The following ROBO2 variants were observed in gnomAD, a reference collection of about 807,000 sequenced individuals.
ROBO2 encodes roundabout guidance receptor 2.
Under a neutral mutation model 160.8 loss-of-function variants are expected in ROBO2, and 53 were observed. The observed-to-expected ratio is 0.33, with a 90% CI of 0.26 to 0.41. The LOEUF (loss-of-function observed/expected upper bound fraction) is 0.41. ROBO2 is among the 10% of genes least tolerant of loss of function. The pLI is 1.00. For synonymous variants in ROBO2, 664 were observed against 611.7 expected (o/e 1.09, Z -1.26); for missense variants, 1,577 against 1,722.4 (o/e 0.92, Z 1.49).
intron 2 of ROBO2, among the ~76,000 whole-genome samples, chr3:76,967,571 G>T (rs931496325): frequency 1.4e-5 from 2 of 144,482 alleles, no homozygotes; most frequent in East Asian, 2.0e-4. Flanking sequence ...ACCCAGGCTG[G>T]AGTGCAGTGG....
chr3:76,902,514 AT>A (rs1172291062), intron 2 of ROBO2, among the ~76,000 whole-genome samples: 1 of 152,070 alleles, frequency 6.6e-6, no homozygotes, highest in Non-Finnish European at 1.5e-5. Context: ...AAATTTATAC[AT>A]TTATTTTGAA....
At chr3:75,953,908 G>A (rs1176515332) in intron 2 of ROBO2, among the ~76,000 whole-genome samples, 1 of 151,858 alleles carries the variant, frequency 6.6e-6, no homozygotes, top group Non-Finnish European at 1.5e-5. Flanking sequence ...AATGTAATTT[G>A]TCAGACATGA....
intron 2 of ROBO2, among the ~76,000 whole-genome samples, chr3:76,232,460 A>G (rs1704678018): frequency 6.6e-6 from 1 of 152,192 alleles, no homozygotes; most frequent in African/African-American, 2.4e-5. Flanking sequence ...TAACAGTAAG[A>G]CAGTTGTTTG....
chr3:77,272,019 A>C (rs577654651), intron 2 of ROBO2, among the ~76,000 whole-genome samples: 1 of 152,198 alleles, frequency 6.6e-6, no homozygotes, highest in Non-Finnish European at 1.5e-5. Context: ...CATTTTGGTT[A>C]GTGACACTGC....
intron 2 of ROBO2, among the ~76,000 whole-genome samples, chr3:76,339,392 T>A (rs1049768772): frequency 3.9e-5 from 6 of 152,122 alleles, no homozygotes; most frequent in African/African-American, 1.4e-4. Context: ...ATAAATAATA[T>A]AAAGCAATAA....
At chr3:76,047,520 G>T (rs2107796692) in intron 2 of ROBO2, among the ~76,000 whole-genome samples, 1 of 152,316 alleles carries the variant, frequency 6.6e-6, no homozygotes, top group East Asian at 1.9e-4. Context: ...GTGAGAACCA[G>T]TCTTGCTTAC....
At chr3:77,555,967 A>G (rs1217143066) in intron 8 of ROBO2, among the ~76,000 whole-genome samples, 5 of 151,930 alleles carry the variant, frequency 3.3e-5, no homozygotes, top group Admixed American at 6.6e-5. Flanking sequence ...AAAAAACAGA[A>G]AGAAAAAAAC....
intron 1 of ROBO2, among the ~76,000 whole-genome samples, chr3:75,916,537 T>A (rs776822217): frequency 6.6e-6 from 1 of 152,290 alleles, no homozygotes; most frequent in Middle Eastern, 3.4e-3. Flanking sequence ...ATTCAGAGAT[T>A]TTATGTGAAT....
chr3:76,137,053 A>T (rs1192191571), intron 2 of ROBO2, among the ~76,000 whole-genome samples: 2 of 151,968 alleles, frequency 1.3e-5, no homozygotes, highest in East Asian at 3.9e-4. Context: ...CAAGAAAAAA[A>T]ATACCACAAA....
intron 2 of ROBO2, among the ~76,000 whole-genome samples, chr3:76,975,860 T>G (rs2059792245): frequency 6.6e-6 from 1 of 152,088 alleles, no homozygotes; most frequent in Non-Finnish European, 1.5e-5. Context: ...CTTACAGACA[T>G]GCTGTAAATT....
chr3:77,526,472 T>C (rs1429871629), intron 6 of ROBO2, among the ~76,000 whole-genome samples: 3 of 151,572 alleles, frequency 2.0e-5, no homozygotes, highest in Non-Finnish European at 4.4e-5. Flanking sequence ...AAATTTCATA[T>C]ACTACTAAGC....
intron 2 of ROBO2, among the ~76,000 whole-genome samples, chr3:76,149,872 A>ACAT (rs1266482941): frequency 6.6e-6 from 1 of 150,906 alleles, no homozygotes; most frequent in South Asian, 2.1e-4. Context: ...TCTAAAGCAC[A>ACAT]CATCTGTCTA....
At chr3:76,440,665 A>G (rs1215075573) in intron 2 of ROBO2, among the ~76,000 whole-genome samples, 2 of 152,290 alleles carry the variant, frequency 1.3e-5, no homozygotes, top group East Asian at 1.9e-4. Context: ...TATCCACCAC[A>G]TCGTCACACA....
chr3:76,480,948 A>AT (rs2079175466), intron 2 of ROBO2, among the ~76,000 whole-genome samples: 1 of 152,202 alleles, frequency 6.6e-6, no homozygotes, highest in African/African-American at 2.4e-5. Flanking sequence ...GCAACACATT[A>AT]TTGAAAATAT....
chr3:76,497,839 G>A (rs1408047814), intron 2 of ROBO2, among the ~76,000 whole-genome samples: 1 of 151,442 alleles, frequency 6.6e-6, no homozygotes, highest in African/African-American at 2.5e-5. Context: ...AGCATTCCCA[G>A]CATTCCCAGC....
chr3:77,180,993 C>CCT (rs2080729966), intron 2 of ROBO2, among the ~76,000 whole-genome samples: 1 of 152,072 alleles, frequency 6.6e-6, no homozygotes, highest in Non-Finnish European at 1.5e-5. Context: ...CCAAACTCAA[C>CCT]AGACACCATT....
chr3:76,202,665 G>C (rs370795548), intron 2 of ROBO2, among the ~76,000 whole-genome samples: 2 of 152,118 alleles, frequency 1.3e-5, no homozygotes, highest in East Asian at 3.9e-4. Flanking sequence ...CCATGATACA[G>C]TCATCTAAAG....
intron 1 of ROBO2, among the ~76,000 whole-genome samples, chr3:75,936,074 A>G (rs1457214633): frequency 1.3e-5 from 2 of 152,216 alleles, no homozygotes; most frequent in African/African-American, 4.8e-5. Context: ...GTTTATTGGT[A>G]CTTAAACTGT....
intron 2 of ROBO2, among the ~76,000 whole-genome samples, chr3:76,261,954 C>T (rs994715144): frequency 6.6e-6 from 1 of 152,068 alleles, no homozygotes; most frequent in Non-Finnish European, 1.5e-5. Context: ...AGATGTATAG[C>T]ATGGCTCATT....
Sources: gnomAD v4.1 joint callset for allele counts (sites outside exome capture counted in the v4.1 genomes callset) on GRCh38, gnomAD v4.1.1 for gene constraint, MANE v1.5 for transcripts, NCBI Gene and HGNC (gene_info 2026-07-23, HGNC 2026-07-21) for gene names.